NSD1: variants seen among roughly 807,000 people sequenced by gnomAD.
NSD1 encodes the protein nuclear receptor binding SET domain protein 1.
A neutral mutation model predicts 242.7 loss-of-function variants in NSD1; 26 were observed. That is an observed-to-expected ratio of 0.11 (90% CI 0.08 to 0.15). NSD1 has a LOEUF of 0.15. Among genes scored for constraint, NSD1 ranks in the 10% least tolerant of loss-of-function variants. The probability of loss-of-function intolerance (pLI) is 1.00; values close to 1 mark genes in which losing one functional copy is unlikely to be tolerated. For missense variants in NSD1, 2,495 were observed against 3,272.8 expected (o/e 0.76, Z 5.80); for synonymous variants, 1,106 against 1,178.1 (o/e 0.94, Z 1.25).
rs532111474 is a variant in NSD1, at chr5:177,164,660, G to A, written c.928-27224G>A. Among the ~76,000 whole-genome samples, 5 of 152,174 alleles carry A rather than the reference G, an allele frequency of 3.3e-5. No homozygotes were observed. In the South Asian group the frequency reaches 6.2e-4, roughly 19 times the overall value. On this transcript the variant is annotated intron_variant, in intron 2 of 22. Coordinates refer to ENST00000439151, the MANE Select transcript of NSD1 (RefSeq NM_022455.5). ...CACTTTTTAAAAATTGAGGTAAAAC[G>A]GCCAGGCACGGTGGCTCACGCCCAT...
rs879144031 is a variant in NSD1 at position 177,212,205 on chromosome 5, T to A, written c.3796+10T>A. 2.5e-6 allele frequency: 4 copies of A among 1,608,298 alleles called. No individual in the cohort carries two copies. The highest frequency in any genetic ancestry group is 1.1e-5 in the South Asian group (1 of 90,578). On this transcript the variant is annotated intron_variant, in intron 5 of 22. Transcript: ENST00000439151. ...GAGCTCCCTGAACCAGGTAAGGACA[T>A]CTAAATGTGATAAAAAAAAAAAAAT...
At chr5:177,220,287 T>G (rs887003342) in intron 5 of NSD1, among the ~76,000 whole-genome samples, 3 of 152,212 alleles carry the variant, frequency 2.0e-5, no homozygotes, top group Non-Finnish European at 4.4e-5. Context: ...TATCATATCA[T>G]GTGTTCCTTT....
At chr5:177,155,687 T>C (rs1758071771) in intron 2 of NSD1, among the ~76,000 whole-genome samples, 1 of 151,986 alleles carries the variant, frequency 6.6e-6, no homozygotes, top group Admixed American at 6.6e-5. Flanking sequence ...TCTTATTTAT[T>C]TATTTGTTTA....
chr5:177,252,150 T>C (rs933689445), intron 12 of NSD1, among the ~76,000 whole-genome samples: 1 of 152,062 alleles, frequency 6.6e-6, no homozygotes, highest in African/African-American at 2.4e-5. Context: ...GAAAGAGAAA[T>C]TGATGTCGGG....
chr5:177,220,212 G>A (rs548045907), intron 5 of NSD1, among the ~76,000 whole-genome samples: 1 of 152,140 alleles, frequency 6.6e-6, no homozygotes, highest in Non-Finnish European at 1.5e-5. Context: ...TATTTGGGTG[G>A]TCTGATGTTA....
At chr5:177,225,279 G>A (rs1316352716) in intron 5 of NSD1, among the ~76,000 whole-genome samples, 6 of 151,788 alleles carry the variant, frequency 4.0e-5, no homozygotes, top group Non-Finnish European at 8.8e-5. Flanking sequence ...AGTAGCTGGG[G>A]TTACAGGCAC....
intron 2 of NSD1, among the ~76,000 whole-genome samples, chr5:177,175,106 C>T (rs930904461): frequency 6.7e-6 from 1 of 150,156 alleles, no homozygotes; most frequent in African/African-American, 2.5e-5. Context: ...CTCCTGACCT[C>T]GTGATCCACT....
intron 2 of NSD1, among the ~76,000 whole-genome samples, chr5:177,173,249 G>A (rs1374227228): frequency 2.8e-5 from 4 of 141,708 alleles, no homozygotes; most frequent in South Asian, 2.2e-4. Context: ...CCGAGATAGC[G>A]CCACTGCACT....
chr5:177,232,410 G>A (rs74758083), intron 5 of NSD1, among the ~76,000 whole-genome samples: 2 of 152,152 alleles, frequency 1.3e-5, no homozygotes, highest in African/African-American at 4.8e-5. Flanking sequence ...CTCCAAAATC[G>A]AAATCTTTTT....
intron 4 of NSD1, among the ~76,000 whole-genome samples, chr5:177,207,086 G>A (rs1251163233): frequency 6.6e-6 from 1 of 151,686 alleles, no homozygotes; most frequent in Non-Finnish European, 1.5e-5. Context: ...ACAGGCTTGC[G>A]CCACCACGCC....
At chr5:177,259,673 T>A (rs1054583583) in intron 13 of NSD1, among the ~76,000 whole-genome samples, 1 of 152,150 alleles carries the variant, frequency 6.6e-6, no homozygotes, top group African/African-American at 2.4e-5. Flanking sequence ...AGGCAAGCAT[T>A]ATTGTTGTCT....
chr5:177,289,076 T>C (rs917983988), intron 21 of NSD1, 151 bp downstream of exon 21: 1 of 687,610 alleles, frequency 1.5e-6, no homozygotes, highest in Non-Finnish European at 2.6e-6. Context: ...TCCCAGCACT[T>C]TGGGAGGCTG....
chr5:177,185,484 G>GC (rs1761031172), intron 2 of NSD1, among the ~76,000 whole-genome samples: 2 of 150,952 alleles, frequency 1.3e-5, no homozygotes, highest in African/African-American at 2.4e-5. Context: ...TGTAATCCCA[G>GC]CTACTCGGGA....
chr5:177,190,685 T>C (rs541304569), intron 2 of NSD1, among the ~76,000 whole-genome samples: 12 of 151,904 alleles, frequency 7.9e-5, no homozygotes, highest in East Asian at 3.9e-4. Flanking sequence ...TTTTTTTTTT[T>C]CCGAGACGGA....
At chr5:177,242,762 C>T (rs1765981614) in intron 8 of NSD1, among the ~76,000 whole-genome samples, 1 of 152,132 alleles carries the variant, frequency 6.6e-6, no homozygotes, top group Non-Finnish European at 1.5e-5. Flanking sequence ...CTCCCGACCT[C>T]AGGTGATCCG....
In NSD1 at chr5:177,210,143, T is replaced by G. The variant is rs768065317; in HGVS notation, c.1744T>G (p.Phe582Val). The change falls in exon 5 of 23, where the codon TTT (phenylalanine) becomes GTT (valine). Residue 582 changes from phenylalanine (F) to valine (V), a missense_variant. Physicochemically the swap from Phe to Val is conservative, Grantham distance 50 (BLOSUM62 -1). Transcript: ENST00000439151. ...SCGKNTAKKEFETSNGDSLLG... is the reference protein window; with the variant it reads ...SCGKNTAKKEVETSNGDSLLG... Reference sequence around the variant, plus strand: ...TGGAAAAAACACTGCAAAGAAAGAATTTGAGACTTCAAATGGTGACTCTTT... The same window carrying G: ...TGGAAAAAACACTGCAAAGAAAGAAGTTGAGACTTCAAATGGTGACTCTTT... The G allele has an allele frequency of 2.5e-6, 4 of 1,613,406 alleles. No homozygotes were observed. In the African/African-American group the frequency reaches 5.3e-5, roughly 22 times the overall value.
chr5:177,196,998 TG>T (rs1336723852), intron 3 of NSD1, among the ~76,000 whole-genome samples: 2 of 152,244 alleles, frequency 1.3e-5, no homozygotes, highest in Admixed American at 6.5e-5. Flanking sequence ...CTGGTTGTGG[TG>T]GCTCACGCCT....
At chr5:177,273,363 A>G (rs1312954894) in intron 16 of NSD1, among the ~76,000 whole-genome samples, 2 of 148,700 alleles carry the variant, frequency 1.3e-5, no homozygotes, top group Non-Finnish European at 3.0e-5. Flanking sequence ...GATATCCGCC[A>G]CCACAGATAA....
chr5:177,247,988 G>T (rs1766430460), intron 10 of NSD1, 193 bp from the exon 11 acceptor site: 2 of 985,420 alleles, frequency 2.0e-6, no homozygotes, highest in Non-Finnish European at 1.2e-6. Flanking sequence ...AGCAGTTAGT[G>T]GCAGGGCATG....
Sources: allele counts gnomAD v4.1 joint callset (sites outside exome capture counted in the v4.1 genomes callset), GRCh38; gene constraint gnomAD v4.1.1; transcripts MANE v1.5; gene names NCBI Gene and HGNC (gene_info 2026-07-23, HGNC 2026-07-21).